The following NFATC1 variants were observed in gnomAD, a reference collection of about 807,000 sequenced individuals.
NFATC1 encodes the protein nuclear factor of activated T-cells, cytoplasmic 1.
Under a neutral mutation model 76.0 loss-of-function variants are expected in NFATC1, and 22 were observed. The ratio of observed to expected loss-of-function variants is 0.29; its 90% CI spans 0.21 to 0.41. The LOEUF (loss-of-function observed/expected upper bound fraction) is 0.41. Ranked by LOEUF, NFATC1 falls within the 10% of genes least tolerant of loss-of-function variation. NFATC1 has a pLI of 1.00. For missense variants in NFATC1, 1,357 were observed against 1,337.7 expected (o/e 1.01, Z -0.23); for synonymous variants, 704 against 613.1 (o/e 1.15, Z -2.19).
intron 2 of NFATC1, among the ~76,000 whole-genome samples, chr18:79,430,293 CCTCCTCT>C (rs1568952177): frequency 1.3e-5 from 2 of 152,084 alleles, no homozygotes; most frequent in Admixed American, 6.6e-5. Flanking sequence ...TTTCTTCTTT[CCTCCTCT>C]CTCCTCTCTC....
At chr18:79,494,180 G>A (rs1359458932) in intron 9 of NFATC1, among the ~76,000 whole-genome samples, 1 of 152,228 alleles carries the variant, frequency 6.6e-6, no homozygotes, top group Non-Finnish European at 1.5e-5. Flanking sequence ...GCGACCGCGA[G>A]GGACAGTGAG....
At chr18:79,483,189 A>G (rs1289126266) in intron 8 of NFATC1, among the ~76,000 whole-genome samples, 6 of 88,270 alleles carry the variant, frequency 6.8e-5, no homozygotes, top group South Asian at 4.5e-4. Context: ...GTGTAATTCC[A>G]GCGTGACCTG....
chr18:79,508,510 T>G (rs1078633), intron 9 of NFATC1, among the ~76,000 whole-genome samples: 97,153 of 152,064 alleles, frequency 0.64, 33,923 homozygotes, highest in Non-Finnish European at 0.79. Flanking sequence ...AAAGAAAAAT[T>G]GAAAGCACTA....
intron 9 of NFATC1, among the ~76,000 whole-genome samples, chr18:79,504,200 G>A (rs1014264265): frequency 6.6e-6 from 1 of 152,208 alleles, no homozygotes; most frequent in South Asian, 2.1e-4. Context: ...GACTGGCGCG[G>A]GAGGCTGAGC....
chr18:79,443,384 CA>C (rs368290642), intron 3 of NFATC1, among the ~76,000 whole-genome samples: 13 of 152,256 alleles, frequency 8.5e-5, no homozygotes, highest in African/African-American at 2.9e-4. Flanking sequence ...ATTCTGCAGA[CA>C]GCTTCCTTCA....
At chr18:79,442,018 C>G (rs1254738566) in intron 3 of NFATC1, among the ~76,000 whole-genome samples, 1 of 152,160 alleles carries the variant, frequency 6.6e-6, no homozygotes, top group Non-Finnish European at 1.5e-5. Flanking sequence ...GCTCCGTGGC[C>G]CTGTCGGTGC....
intron 6 of NFATC1, among the ~76,000 whole-genome samples, chr18:79,459,756 A>G (rs2087959816): frequency 6.6e-6 from 1 of 152,156 alleles, no homozygotes; most frequent in South Asian, 2.1e-4. Flanking sequence ...GAAAAGTTCA[A>G]AAGTCATTTT....
intron 1 of NFATC1, among the ~76,000 whole-genome samples, chr18:79,404,508 T>C (rs1438274905): frequency 6.6e-6 from 1 of 152,248 alleles, no homozygotes; most frequent in Non-Finnish European, 1.5e-5. Flanking sequence ...TTCCAATACA[T>C]TCACAGTTGT....
chr18:79,415,550 G>A (rs2085849588), intron 2 of NFATC1, among the ~76,000 whole-genome samples: 1 of 151,988 alleles, frequency 6.6e-6, no homozygotes, highest in Non-Finnish European at 1.5e-5. Flanking sequence ...CCAAAGTGCT[G>A]GGATTACAGG....
intron 2 of NFATC1, among the ~76,000 whole-genome samples, chr18:79,419,714 G>A (rs113824142): frequency 0.012 from 1,807 of 152,266 alleles, 36 homozygotes; most frequent in African/African-American, 0.041. Flanking sequence ...GATGTGCGTC[G>A]GTGACCACAG....
intron 8 of NFATC1, among the ~76,000 whole-genome samples, chr18:79,477,942 C>T (rs1233813807): frequency 2.0e-5 from 3 of 152,188 alleles, no homozygotes; most frequent in African/African-American, 7.2e-5. Context: ...CCAGTTACCT[C>T]CTGCAAACAC....
In NFATC1 at chr18:79,410,400, T is replaced by C. The variant is rs2085624086; in HGVS notation, c.128-3T>C. The stretch of plus-strand genomic sequence containing the variant: ...GCTCCCATCTGCTTCTTTTTCTCTC[T>C]AGAACACTATGGCTATGCATCCTCC... On this transcript the variant is annotated splice_region_variant and splice_polypyrimidine_tract_variant and intron_variant, in intron 1 of 9. Transcript: ENST00000427363. This position sits in a 1 kb window ranked among gnomAD's most constrained non-coding sequence, Gnocchi z 6.7. The C allele has an allele frequency of 1.2e-6, 2 of 1,604,922 alleles. No homozygotes were observed. Among genetic ancestry groups the C allele is most frequent in the Non-Finnish European group, 1.7e-6 (2 of 1,176,638 alleles).
At chr18:79,483,439 C>G (rs1174455311) in intron 8 of NFATC1, among the ~76,000 whole-genome samples, 1 of 132,990 alleles carries the variant, frequency 7.5e-6, no homozygotes, top group African/African-American at 2.9e-5. Context: ...GTGACCTGGT[C>G]CTGGGGTGTA....
At chr18:79,445,104 A>G (rs1176249129) in intron 3 of NFATC1, among the ~76,000 whole-genome samples, 1 of 152,218 alleles carries the variant, frequency 6.6e-6, no homozygotes, top group Non-Finnish European at 1.5e-5. Context: ...TACTGGCTCC[A>G]TTTTTGATGT....
intron 6 of NFATC1, among the ~76,000 whole-genome samples, chr18:79,453,538 G>T (rs2087563079): frequency 6.6e-6 from 1 of 152,236 alleles, no homozygotes; most frequent in Non-Finnish European, 1.5e-5. Context: ...GGGTCAGCAG[G>T]CCGGAGGGGT....
intron 8 of NFATC1, among the ~76,000 whole-genome samples, chr18:79,482,228 C>G (rs1210039532): frequency 2.2e-4 from 22 of 99,336 alleles, no homozygotes; most frequent in Admixed American, 5.9e-4. Context: ...GCGTGACCTG[C>G]TCCTGAGGTG....
At chr18:79,486,189 T>G in intron 8 of NFATC1, 59 bp from the exon 9 acceptor site, 1 of 1,510,220 alleles carries the variant, frequency 6.6e-7, no homozygotes, top group Non-Finnish European at 9.0e-7. Context: ...GCCACAAGCC[T>G]GCCTGATCAC....
intron 3 of NFATC1, among the ~76,000 whole-genome samples, chr18:79,439,826 G>A (rs1430608126): frequency 6.6e-6 from 1 of 152,200 alleles, no homozygotes; most frequent in Non-Finnish European, 1.5e-5. Flanking sequence ...GGGGACAGAT[G>A]CTCGGTGCTG....
intron 9 of NFATC1, among the ~76,000 whole-genome samples, chr18:79,511,893 G>T (rs550864274): frequency 1.3e-5 from 2 of 152,240 alleles, no homozygotes; most frequent in East Asian, 3.9e-4. Context: ...GCTTCTGGGG[G>T]AGGCCAGGAA....
Sources: gnomAD v4.1 joint callset for allele counts (sites outside exome capture counted in the v4.1 genomes callset) on GRCh38, gnomAD v4.1.1 for gene constraint, Gnocchi (gnomAD v3.1) non-coding constraint, MANE v1.5 for transcripts, NCBI Gene and HGNC (gene_info 2026-07-23, HGNC 2026-07-21) for gene names.